Variants in DMXL1 observed in about 807,000 individuals in gnomAD.
DMXL1 encodes dmX-like protein 1.
In DMXL1, 99 loss-of-function variants were observed where a neutral mutation model predicts 319.2. That is an observed-to-expected ratio of 0.31 (90% CI 0.26 to 0.37). DMXL1 has a LOEUF of 0.37. Ranked by LOEUF, DMXL1 falls within the 10% of genes least tolerant of loss-of-function variation. The probability of loss-of-function intolerance (pLI) is 1.00; values close to 1 mark genes in which losing one functional copy is unlikely to be tolerated. For synonymous variants in DMXL1, 1,385 were observed against 1,235.2 expected, an observed-to-expected ratio of 1.12 and a Z score of -2.54; for missense variants, 3,745 against 3,595.6, an observed-to-expected ratio of 1.04 and a Z score of -1.06.
At chr5:119,078,560 C>A (rs1751505599) in intron 1 of DMXL1, among the ~76,000 whole-genome samples, 1 of 152,274 alleles carries the variant, frequency 6.6e-6, no homozygotes, top group East Asian at 1.9e-4. Flanking sequence ...AATCAGTCTT[C>A]CCACTTCAGT....
At chr5:119,226,701 C>T (rs931749456) in intron 38 of DMXL1, among the ~76,000 whole-genome samples, 41 of 152,244 alleles carry the variant, frequency 2.7e-4, no homozygotes, top group Admixed American at 2.1e-3. Context: ...AGACACCACT[C>T]GCAGGTTATC....
chr5:119,178,549 C>T (rs1004352803), intron 28 of DMXL1: 8 of 921,336 alleles, frequency 8.7e-6, no homozygotes, highest in East Asian at 1.2e-4. Flanking sequence ...ATCCCAAATA[C>T]GGATTCTTTC....
At chr5:119,135,655 G>A (rs961953300) in intron 13 of DMXL1, among the ~76,000 whole-genome samples, 1 of 152,138 alleles carries the variant, frequency 6.6e-6, no homozygotes, top group African/African-American at 2.4e-5. Flanking sequence ...TCATGATAGT[G>A]AGGGAGTTCT....
At chr5:119,228,129 G>C (rs1389131463) in intron 38 of DMXL1, among the ~76,000 whole-genome samples, 1 of 152,136 alleles carries the variant, frequency 6.6e-6, no homozygotes, top group Non-Finnish European at 1.5e-5. Flanking sequence ...CTTGATCTTG[G>C]TTAGCAGTTT....
chr5:119,152,910 TTTTCTC>T (rs1359495036), intron 19 of DMXL1, among the ~76,000 whole-genome samples: 6 of 152,188 alleles, frequency 3.9e-5, no homozygotes, highest in African/African-American at 2.4e-5. Context: ...ACTATTTTCT[TTTTCTC>T]ATTTTGCATA....
At chr5:119,246,385 G>A (rs1274364165) in intron 43 of DMXL1, among the ~76,000 whole-genome samples, 5 of 152,038 alleles carry the variant, frequency 3.3e-5, no homozygotes, top group Admixed American at 1.3e-4. Flanking sequence ...AATCCCTACA[G>A]TATTGTAAGT....
Position 119,181,755 on chromosome 5 carries a change from T to C in DMXL1, c.7135+3511T>C, listed in dbSNP as rs189634841. On this transcript the variant is annotated intron_variant, in intron 28 of 43. Coordinates refer to ENST00000539542, the MANE Select transcript of DMXL1 (RefSeq NM_001290321.3). ...TGAACCTGGGAGGTGGAGGTTGCAG[T>C]GAGCTGAGATTGCGCCACTGCACTC... Among the ~76,000 whole-genome samples, 234 of 152,094 alleles carry C rather than the reference T, an allele frequency of 1.5e-3. 1 individual carries two copies. Among genetic ancestry groups the C allele is most frequent in the African/African-American group, 5.3e-3 (220 of 41,496 alleles).
chr5:119,178,057 A>G lies in DMXL1; in HGVS notation c.6948A>G (p.Thr2316=), dbSNP rs201157578. 573 of 1,613,346 alleles carry G rather than the reference A, an allele frequency of 3.6e-4. No homozygotes were observed. The highest frequency in any genetic ancestry group is 4.7e-4 in the Non-Finnish European group (560 of 1,179,494). ...SSGEEAQSGL[T]VLLCEILTAV... is the part of the protein sequence containing the mutation. Reference sequence around the variant, plus strand: ...GCGAGGAAGCCCAGTCAGGGCTTACAGTCTTGCTCTGTGAGATTCTCACAG... The same window carrying G: ...GCGAGGAAGCCCAGTCAGGGCTTACGGTCTTGCTCTGTGAGATTCTCACAG... Residue 2316 remains threonine, a synonymous_variant, in exon 28 of 44, where the codon ACA becomes ACG. Transcript: ENST00000539542.
At chr5:119,218,961 A>T (rs1784177254) in intron 35 of DMXL1, among the ~76,000 whole-genome samples, 1 of 152,156 alleles carries the variant, frequency 6.6e-6, no homozygotes, top group South Asian at 2.1e-4. Context: ...TTGCCACAGA[A>T]ACAGTTCTGT....
In DMXL1 at chr5:119,102,017, T is replaced by C. The variant is rs763222203; in HGVS notation, c.285+11T>C. The C allele has an allele frequency of 4.6e-6, 7 of 1,515,108 alleles. No individual in the cohort carries two copies. In the Admixed American group the frequency reaches 1.2e-4, roughly 27 times the overall value. 93.9% of individuals were successfully genotyped at this position (1,515,108 alleles called of 1,614,324 possible). A position where few individuals can be genotyped will look rare whatever the true frequency, so the allele number is the denominator to read the frequency against. On this transcript the variant is annotated intron_variant, in intron 3 of 43. Coordinates refer to ENST00000539542, the MANE Select transcript of DMXL1 (RefSeq NM_001290321.3). ...CAAAAGAAAAATTTGGTCAGTAATT[T>C]ATGATTTCTTCTTTTAGGAATTGAA...
chr5:119,179,795 A>G (rs1419515299), intron 28 of DMXL1, among the ~76,000 whole-genome samples: 1 of 152,090 alleles, frequency 6.6e-6, no homozygotes, highest in Non-Finnish European at 1.5e-5. Flanking sequence ...GGACTCTCAT[A>G]CTTTCTAGTC....
intron 1 of DMXL1, among the ~76,000 whole-genome samples, chr5:119,093,091 G>A (rs755922687): frequency 1.3e-5 from 2 of 151,692 alleles, no homozygotes; most frequent in Non-Finnish European, 2.9e-5. Flanking sequence ...GCAACCCTTT[G>A]TTGAGCAAAT....
At chr5:119,134,507 T>C in intron 13 of DMXL1, 118 bp downstream of exon 13, 2 of 908,894 alleles carry the variant, frequency 2.2e-6, no homozygotes, top group Non-Finnish European at 3.2e-6. Context: ...TTTGTATCTT[T>C]GTTTTATTTT....
At chr5:119,197,042 G>T (rs1002718432) in intron 31 of DMXL1, among the ~76,000 whole-genome samples, 2 of 152,216 alleles carry the variant, frequency 1.3e-5, no homozygotes, top group African/African-American at 4.8e-5. Flanking sequence ...GAGGTAAGTA[G>T]TAGGAATAAC....
chr5:119,083,254 G>T (rs1270724381), intron 1 of DMXL1, among the ~76,000 whole-genome samples: 1 of 151,996 alleles, frequency 6.6e-6, no homozygotes, highest in East Asian at 1.9e-4. Flanking sequence ...TCAAACTCCT[G>T]GCCTCAAGTG....
At chr5:119,138,098 C>G (rs892681737) in intron 13 of DMXL1, among the ~76,000 whole-genome samples, 2 of 151,956 alleles carry the variant, frequency 1.3e-5, no homozygotes, top group Non-Finnish European at 2.9e-5. Context: ...TCCAGAGAGA[C>G]CAATTTAGGA....
rs1790115026 is a variant in DMXL1 at position 119,248,497 on chromosome 5, G to T, written c.*1278G>T. On this transcript the variant is annotated 3_prime_UTR_variant, in exon 44 of 44. Transcript: ENST00000539542. ...ATTTTAACCAATGAGACTACAGGCAGATGGGACTAAGTGTTTATGGGACAA... is the reference window on the plus strand; with the variant it reads ...ATTTTAACCAATGAGACTACAGGCATATGGGACTAAGTGTTTATGGGACAA... 1 of 152,432 alleles carries T rather than the reference G, an allele frequency of 6.6e-6. No homozygotes were observed. The highest frequency in any genetic ancestry group is 1.5e-5 in the Non-Finnish European group (1 of 67,906). The allele number at this position is 152,432 out of a possible 1,614,324, so 9.4% of individuals were successfully genotyped here. A position where few individuals can be genotyped will look rare whatever the true frequency, so the allele number is the denominator to read the frequency against.
At chr5:119,168,898 T>A (rs1287750846) in intron 23 of DMXL1, among the ~76,000 whole-genome samples, 1 of 151,906 alleles carries the variant, frequency 6.6e-6, no homozygotes, top group Admixed American at 6.6e-5. Flanking sequence ...GTCTTTTCTC[T>A]TTTCTTTCTT....
At chr5:119,154,202 C>G (rs570112146) in intron 19 of DMXL1, among the ~76,000 whole-genome samples, 1 of 152,238 alleles carries the variant, frequency 6.6e-6, no homozygotes, top group East Asian at 1.9e-4. Flanking sequence ...TCTAAGTGTT[C>G]AAGTGAAAGG....
Sources: allele counts gnomAD v4.1 joint callset (sites outside exome capture counted in the v4.1 genomes callset), GRCh38; gene constraint gnomAD v4.1.1; transcripts MANE v1.5; gene names NCBI Gene and HGNC (gene_info 2026-07-23, HGNC 2026-07-21).